Variants in NSG1 observed in about 807,000 individuals in gnomAD.
NSG1 encodes the protein neuronal vesicle trafficking associated 1.
In NSG1, 9 loss-of-function variants were observed where a neutral mutation model predicts 19.3. The observed-to-expected ratio is 0.47, with a 90% CI of 0.28 to 0.81. The LOEUF is 0.81. Ranked by LOEUF, NSG1 falls within the 40% of genes least tolerant of loss-of-function variation. NSG1 has a pLI of 0.11. For missense variants in NSG1, 236 were observed against 242.4 expected, an observed-to-expected ratio of 0.97 and a Z score of 0.18; for synonymous variants, 104 against 107.0, an observed-to-expected ratio of 0.97 and a Z score of 0.17.
intron 2 of NSG1, among the ~76,000 whole-genome samples, chr4:4,389,368 T>C (rs1015575429): frequency 7.2e-5 from 11 of 152,230 alleles, no homozygotes; most frequent in Non-Finnish European, 1.5e-4. Flanking sequence ...AGGGATGCTC[T>C]TCTCGGGTCC....
intron 3 of NSG1, among the ~76,000 whole-genome samples, chr4:4,396,841 G>T (rs1256305562): frequency 1.3e-5 from 2 of 151,892 alleles, no homozygotes; most frequent in East Asian, 1.9e-4. Context: ...CGTTTCCTTG[G>T]CATTCAGCAG....
intron 4 of NSG1, among the ~76,000 whole-genome samples, chr4:4,416,749 C>G (rs1243684385): frequency 1.3e-5 from 2 of 152,064 alleles, no homozygotes; most frequent in East Asian, 1.9e-4. Flanking sequence ...TCTTCTGACT[C>G]CCGCCCCAAG....
chr4:4,399,867 A>G (rs1723455740), intron 3 of NSG1, among the ~76,000 whole-genome samples: 1 of 152,222 alleles, frequency 6.6e-6, no homozygotes, highest in South Asian at 2.1e-4. Context: ...CACAGTTCAC[A>G]ATAGGGTTCA....
rs199605150 is a variant in NSG1 at position 4,417,275 on chromosome 4, C to T, written c.398C>T (p.Ala133Val). The T allele has an allele frequency of 2.2e-4, 356 of 1,614,122 alleles. No homozygotes were observed. The highest frequency in any genetic ancestry group is 5.3e-4 in the Admixed American group (32 of 60,012). The change falls in exon 5 of 5, where the codon GCG (alanine) becomes GTG (valine). Residue 133 changes from alanine to valine, a missense_variant. Transcript: ENST00000621129. ...CCAGAAGGCTTGGAGAGCTACTACG[C>T]GGAGCAAGACTCCAGTGCCCGGGAG... The part of the protein sequence containing the change: ...CIPEGLESYY[A>V]EQDSSAREKF...
intron 3 of NSG1, among the ~76,000 whole-genome samples, chr4:4,403,261 G>A (rs545715666): frequency 8.4e-4 from 128 of 152,266 alleles, no homozygotes; most frequent in Non-Finnish European, 4.9e-4. Flanking sequence ...ACGGCGCACG[G>A]GCATTCTCCC....
chr4:4,388,830 G>A (rs924497194), intron 2 of NSG1, among the ~76,000 whole-genome samples: 1 of 152,222 alleles, frequency 6.6e-6, no homozygotes, highest in African/African-American at 2.4e-5. Context: ...GAGGGAGGCA[G>A]GAGCCGGGAA....
At chr4:4,402,489 G>A (rs1384507301) in intron 3 of NSG1, among the ~76,000 whole-genome samples, 7 of 139,788 alleles carry the variant, frequency 5.0e-5, no homozygotes, top group African/African-American at 1.3e-4. Flanking sequence ...CCGGGTTCAC[G>A]CCATTCTCCT....
intron 2 of NSG1, among the ~76,000 whole-genome samples, chr4:4,388,449 A>G (rs1475746002): frequency 6.6e-6 from 1 of 152,236 alleles, no homozygotes; most frequent in Non-Finnish European, 1.5e-5. Flanking sequence ...TGAATGTAGC[A>G]TCCAATTAAG....
chr4:4,407,708 T>A (rs1723942462), intron 3 of NSG1, among the ~76,000 whole-genome samples: 1 of 152,034 alleles, frequency 6.6e-6, no homozygotes, highest in Admixed American at 6.5e-5. Context: ...CTGCAGTGAC[T>A]AGTGTGGCTC....
chr4:4,403,962 T>C (rs1206983203), intron 3 of NSG1, among the ~76,000 whole-genome samples: 1 of 152,226 alleles, frequency 6.6e-6, no homozygotes, highest in East Asian at 1.9e-4. Flanking sequence ...GCTTCCAGCT[T>C]AGGCTACATG....
intron 3 of NSG1, among the ~76,000 whole-genome samples, chr4:4,406,600 C>A (rs1162783709): frequency 6.6e-6 from 1 of 152,092 alleles, no homozygotes. Flanking sequence ...GTCTGCCAGG[C>A]GCACACCCCA....
At chr4:4,405,088 A>G (rs1302644977) in intron 3 of NSG1, among the ~76,000 whole-genome samples, 1 of 152,226 alleles carries the variant, frequency 6.6e-6, no homozygotes, top group East Asian at 1.9e-4. Context: ...ACTGGAGGCC[A>G]GAAGTCTGAA....
intron 4 of NSG1, chr4:4,416,206 G>A (rs2108758119): frequency 1.4e-6 from 1 of 702,300 alleles, no homozygotes; most frequent in Non-Finnish European, 2.6e-6. Flanking sequence ...AACTCAGCTG[G>A]TACGGTGGGC....
At chr4:4,389,779 G>A (rs1218949972) in intron 2 of NSG1, among the ~76,000 whole-genome samples, 1 of 152,194 alleles carries the variant, frequency 6.6e-6, no homozygotes, top group African/African-American at 2.4e-5. Flanking sequence ...GTGCTGGGGT[G>A]CAGCGGTGAC....
chr4:4,404,341 C>T (rs1054918465), intron 3 of NSG1, among the ~76,000 whole-genome samples: 22 of 152,346 alleles, frequency 1.4e-4, no homozygotes, highest in African/African-American at 2.6e-4. Flanking sequence ...CCCAGCTCAC[C>T]GTGCCCACTG....
intron 3 of NSG1, 50 bp from the exon 4 acceptor site, chr4:4,409,521 GTC>G: frequency 7.5e-7 from 1 of 1,340,084 alleles, no homozygotes; most frequent in Non-Finnish European, 1.1e-6. Context: ...GTGTGTGTGT[GTC>G]TGTCCTGCTG....
In NSG1 at chr4:4,409,546, C is replaced by T. The variant is rs570466633; in HGVS notation, c.247-27C>T. 2.1e-5 allele frequency: 34 copies of T among 1,581,540 alleles called. No homozygotes were observed. The South Asian group carries it at 3.2e-4, about 15-fold the overall frequency. ...GTCTGTCCTGCTGCCTTCCGGCCACCCCTGACAGTCCCACCTCTGCCCACA... is the reference window on the plus strand; with the variant it reads ...GTCTGTCCTGCTGCCTTCCGGCCACTCCTGACAGTCCCACCTCTGCCCACA... On this transcript the variant is annotated intron_variant, in intron 3 of 4. Transcript: ENST00000621129.
Position 4,409,666 on chromosome 4 carries a change from G to T in NSG1, c.340G>T (p.Asp114Tyr), listed in dbSNP as rs770129715. 6.2e-7 allele frequency: 1 copy of T among 1,614,012 alleles called. No homozygotes were observed. Among genetic ancestry groups the T allele is most frequent in the Non-Finnish European group, 8.5e-7 (1 of 1,179,888 alleles). ...KVYKYDRACP[D>Y]GFVLKNTQCI... The stretch of plus-strand genomic sequence containing the variant: ...GTACAAGTATGACCGCGCCTGCCCC[G>T]ATGGGTTCGTCCTCAAGGTAAAACT... Residue 114 changes from aspartate (D) to tyrosine (Y), a missense_variant, in exon 4 of 5, where the codon GAT becomes TAT. Transcript: ENST00000621129.
intron 4 of NSG1, chr4:4,415,807 G>C (rs963280924): frequency 5.5e-6 from 2 of 360,588 alleles, no homozygotes; most frequent in African/African-American, 2.1e-5. Flanking sequence ...CCCTTGGTCC[G>C]TTTCCCTGAG....
Sources: gnomAD v4.1 joint callset for allele counts (sites outside exome capture counted in the v4.1 genomes callset) on GRCh38, gnomAD v4.1.1 for gene constraint, MANE v1.5 for transcripts, NCBI Gene and HGNC (gene_info 2026-07-23, HGNC 2026-07-21) for gene names.